Variants in FLII observed in about 807,000 individuals in gnomAD.
FLII encodes the protein protein flightless-1 homolog.
Under a neutral mutation model 156.2 loss-of-function variants are expected in FLII, and 101 were observed. The ratio of observed to expected loss-of-function variants is 0.65; its 90% CI spans 0.55 to 0.76. The LOEUF (loss-of-function observed/expected upper bound fraction) is 0.76, where lower values mean the gene tolerates loss of function less well. Ranked by LOEUF, FLII falls within the 30% of genes least tolerant of loss-of-function variation. The probability of loss-of-function intolerance (pLI) is 0.00; values close to 1 mark genes in which losing one functional copy is unlikely to be tolerated. For synonymous variants in FLII, 767 were observed against 685.8 expected, an observed-to-expected ratio of 1.12 and a Z score of -1.85; for missense variants, 1,675 against 1,682.8, an observed-to-expected ratio of 1.00 and a Z score of 0.08.
chr17:18,245,081 A>G lies in FLII; in HGVS notation c.*57T>C. 1.3e-6 allele frequency: 2 copies of G among 1,557,352 alleles called. No homozygotes were observed. Among genetic ancestry groups the G allele is most frequent in the Non-Finnish European group, 1.7e-6 (2 of 1,144,932 alleles). ...ACCTGAGTACATTCTTTGCTAGCAG[A>G]CAGTGGATGAGGCCCCTTCCTCTTC... On this transcript the variant is annotated 3_prime_UTR_variant, in exon 30 of 30. Coordinates refer to ENST00000327031, the MANE Select transcript of FLII (RefSeq NM_002018.4).
chr17:18,252,462 CATGCCTG>C lies in FLII; in HGVS notation c.1098+3_1098+9del. On this transcript the variant is annotated splice_donor_5th_base_variant and intron_variant, in intron 10 of 29. Coordinates refer to ENST00000327031, the MANE Select transcript of FLII (RefSeq NM_002018.4). ...CTCTCTTGAGCCCTCTCAAACCCAG[CATGCCTG>C]ACCTCGATCTCCGTCAGGAAATGGA... 6.2e-7 allele frequency: 1 copy of C among 1,612,624 alleles called. No homozygotes were observed. Among genetic ancestry groups the C allele is most frequent in the South Asian group, 1.1e-5 (1 of 91,062 alleles).
Position 18,245,281 on chromosome 17 carries a change from G to A in FLII, c.3676-9C>T. 1 of 1,612,472 alleles carries A rather than the reference G, an allele frequency of 6.2e-7. No individual in the cohort carries two copies. The highest frequency in any genetic ancestry group is 1.1e-5 in the South Asian group (1 of 91,048). On this transcript the variant is annotated splice_polypyrimidine_tract_variant and intron_variant, in intron 29 of 29. Transcript: ENST00000327031. ...ATGTGCTGGATATATACCTGGCAAG[G>A]GGACAGCGAGCCTTGGGTGATGACC... is the stretch of plus-strand genomic sequence containing the variant.
Position 18,247,344 on chromosome 17 carries a change from T to C in FLII, c.2501A>G (p.Lys834Arg), listed in dbSNP as rs150708367. The C allele has an allele frequency of 6.2e-7, 1 of 1,604,158 alleles. No homozygotes were observed. Among genetic ancestry groups the C allele is most frequent in the Non-Finnish European group, 8.5e-7 (1 of 1,176,166 alleles). Reference sequence around the variant, plus strand: ...CAACACATCGTCCCAATTCTTGAACTTGGCCTTGAACACCTGCCAGGGAGG... The same window carrying C: ...CAACACATCGTCCCAATTCTTGAACCTGGCCTTGAACACCTGCCAGGGAGG... Reference protein sequence around the residue: ...EGTEAQVFKAKFKNWDDVLTV... With the variant: ...EGTEAQVFKARFKNWDDVLTV... The change falls in exon 21 of 30, where the codon AAG becomes AGG. Residue 834 changes from lysine (K) to arginine (R), a missense_variant. Transcript: ENST00000327031.
rs1195590412 is a variant in FLII at position 18,244,832 on chromosome 17, C to CTGAT, written c.*302_*305dup. The stretch of plus-strand genomic sequence containing the variant: ...TAGCGCCATTTTAATATTAAAAATA[C>CTGAT]TGATTTTTAATATTGAAAATAAAAG... On this transcript the variant is annotated 3_prime_UTR_variant, in exon 30 of 30. Coordinates refer to ENST00000327031, the MANE Select transcript of FLII (RefSeq NM_002018.4). 1.4e-5 allele frequency: 5 copies of CTGAT among 363,582 alleles called. No homozygotes were observed. Among genetic ancestry groups the CTGAT allele is most frequent in the East Asian group, 3.9e-5 (1 of 25,688 alleles). 22.5% of individuals were successfully genotyped at this position (363,582 alleles called of 1,614,324 possible).
Position 18,246,593 on chromosome 17 carries a change from C to T in FLII, c.3051+1G>A. ...CGGGCTCGCGGGGCTGCCAGGCACACCTCCAGCTTCCCAGGGAAGAGGCTC... is the reference window on the plus strand; with the variant it reads ...CGGGCTCGCGGGGCTGCCAGGCACATCTCCAGCTTCCCAGGGAAGAGGCTC... On this transcript the variant is annotated splice_donor_variant, in intron 23 of 29. Coordinates refer to ENST00000327031, the MANE Select transcript of FLII (RefSeq NM_002018.4). LOFTEE classifies it high-confidence loss of function. The T allele has an allele frequency of 6.2e-7, 1 of 1,613,870 alleles. No homozygotes were observed. Among genetic ancestry groups the T allele is most frequent in the Non-Finnish European group, 8.5e-7 (1 of 1,179,880 alleles).
chr17:18,249,378 C>T lies in FLII; in HGVS notation c.1807G>A (p.Gly603Ser), dbSNP rs747829760. The change falls in exon 15 of 30, where the codon GGT (glycine) becomes AGT (serine). Residue 603 changes from glycine (G) to serine (S), a missense_variant. Gly to Ser is a moderately conservative substitution (Grantham distance 56). This residue lies in a region of FLII where 1,332 missense variants were observed against 1,269.3 expected (regional missense o/e 1.05). Coordinates refer to ENST00000327031, the MANE Select transcript of FLII (RefSeq NM_002018.4). ...VFDNDISYIE[G>S]GTASGFYTVE... ...GTGTAGAAGCCACTGGCTGTTCCAC[C>T]CTCAATGTAGGAGATGTCGTTGTCA... The T allele has an allele frequency of 1.2e-5, 19 of 1,614,046 alleles. No homozygotes were observed. The highest frequency in any genetic ancestry group is 1.5e-5 in the Non-Finnish European group (18 of 1,180,026).
At chr17:18,245,907 T>C (rs968405712) in intron 26 of FLII, 27 bp downstream of exon 26, 2 of 1,611,710 alleles carry the variant, frequency 1.2e-6, no homozygotes, top group Non-Finnish European at 1.7e-6. Flanking sequence ...CCTCTGTGTG[T>C]GCCCGCCTGC....
chr17:18,245,077 G>GCAGA lies in FLII; in HGVS notation c.*57_*60dup, dbSNP rs529765136. ...TGTCACCTGAGTACATTCTTTGCTA[G>GCAGA]CAGACAGTGGATGAGGCCCCTTCCT... On this transcript the variant is annotated 3_prime_UTR_variant, in exon 30 of 30. Transcript: ENST00000327031. The GCAGA allele has an allele frequency of 2.7e-4, 420 of 1,551,036 alleles. No individual in the cohort carries two copies. The highest frequency in any genetic ancestry group is 3.2e-4 in the South Asian group (27 of 84,652).
rs1312570559 is a variant in FLII, at chr17:18,258,205, G to C, written c.63+423C>G. Among the ~76,000 whole-genome samples, 1 of 152,206 alleles carries C rather than the reference G, an allele frequency of 6.6e-6. No individual in the cohort carries two copies. The highest frequency in any genetic ancestry group is 1.5e-5 in the Non-Finnish European group (1 of 68,016). ...ACAGTATGGCGGGTGGCGGTGGCGG[G>C]GAGAGGGCAGTGATGAGTCGGCTCC... On this transcript the variant is annotated intron_variant, in intron 1 of 29. Coordinates refer to ENST00000327031, the MANE Select transcript of FLII (RefSeq NM_002018.4). The surrounding 1 kb of genome is among the most constrained non-coding windows in gnomAD (Gnocchi z 4.2).
chr17:18,245,211 C>G lies in FLII; in HGVS notation c.3737G>C (p.Arg1246Pro), dbSNP rs763548959. 6.2e-7 allele frequency: 1 copy of G among 1,613,940 alleles called. No individual in the cohort carries two copies. The highest frequency in any genetic ancestry group is 8.5e-7 in the Non-Finnish European group (1 of 1,179,958). Residue 1246 changes from arginine (R) to proline (P), a missense_variant, in exon 30 of 30, where the codon CGC (arginine) becomes CCC (proline). Arg to Pro is a moderately radical substitution (Grantham distance 103). This residue lies in a region of FLII where 1,332 missense variants were observed against 1,269.3 expected (regional missense o/e 1.05). Transcript: ENST00000327031. ...AAAGGCGTGCTGCTCATTGCCCTTG[C>G]GGACCAGGCGCAGCCGGCGCGGCCG... is the stretch of plus-strand genomic sequence containing the variant. ...HERPRRLRLV[R>P]KGNEQHAFTR...
At position 18,245,920 on chromosome 17, in the gene FLII, G is replaced by C; in HGVS notation, c.3396+14C>G. On this transcript the variant is annotated intron_variant, in intron 26 of 29. Coordinates refer to ENST00000327031, the MANE Select transcript of FLII (RefSeq NM_002018.4). ...CTCCTCTGTGTGTGCCCGCCTGCCC[G>C]CCCGCCTCCTGACCTGCTTGCTGTA... 6.2e-7 allele frequency: 1 copy of C among 1,613,676 alleles called. No individual in the cohort carries two copies. Among genetic ancestry groups the C allele is most frequent in the Non-Finnish European group, 8.5e-7 (1 of 1,179,742 alleles).
chr17:18,247,133 C>CG (rs1172814706), intron 21 of FLII, 36 bp downstream of exon 21: 13 of 703,290 alleles, frequency 1.8e-5, no homozygotes, highest in Non-Finnish European at 2.7e-5. Flanking sequence ...GCCCCCCACC[C>CG]CCCCCCCCGC....
At position 18,245,239 on chromosome 17, in the gene FLII, CAT is replaced by C. The variant is rs1567701779; in HGVS notation, c.3707_3708del (p.His1236ArgfsTer14). The stretch of plus-strand genomic sequence containing the variant: ...ACCAGGCGCAGCCGGCGCGGCCGCT[CAT>C]GTTCCTTGGACCGCATGTGCTGGAT... Reference protein sequence around the residue: ...VYIQHMRSKEHERPRRLRLVR... With the variant: ...VYIQHMRSKEXERPRRLRLVR... On this transcript the variant is annotated frameshift_variant, in exon 30 of 30. Transcript: ENST00000327031. LOFTEE classifies it high-confidence loss of function. 6.2e-7 allele frequency: 1 copy of C among 1,613,766 alleles called. No homozygotes were observed. Among genetic ancestry groups the C allele is most frequent in the South Asian group, 1.1e-5 (1 of 91,072 alleles).
In FLII at chr17:18,247,639, C is replaced by T. The variant is rs1449721211; in HGVS notation, c.2487+18G>A. 4.5e-6 allele frequency: 7 copies of T among 1,560,050 alleles called. No homozygotes were observed. The highest frequency in any genetic ancestry group is 6.0e-6 in the Non-Finnish European group (7 of 1,160,216). Reference sequence around the variant, plus strand: ...TGCGAAGGATCCTGGGGAGGGGCCTCCGAAGCTGCAAGCGCACCTGCGCCT... The same window carrying T: ...TGCGAAGGATCCTGGGGAGGGGCCTTCGAAGCTGCAAGCGCACCTGCGCCT... On this transcript the variant is annotated intron_variant, in intron 20 of 29. Coordinates refer to ENST00000327031, the MANE Select transcript of FLII (RefSeq NM_002018.4).
chr17:18,247,800 A>C lies in FLII; in HGVS notation c.2344T>G (p.Ser782Ala). 3.1e-6 allele frequency: 5 copies of C among 1,612,758 alleles called. No homozygotes were observed. Among genetic ancestry groups the C allele is most frequent in the Non-Finnish European group, 3.4e-6 (4 of 1,180,006 alleles). ...CGGCCGAGCCAGATGAACACGTCGG[A>C]CCAACAGTCCAGAATGTACACGCAG... ...TRCVYILDCW[S>A]DVFIWLGRKS... Residue 782 changes from serine to alanine, a missense_variant, in exon 20 of 30, where the codon TCC becomes GCC. Transcript: ENST00000327031.
intron 14 of FLII, 113 bp from the exon 15 acceptor site, chr17:18,249,521 C>A: frequency 1.3e-6 from 1 of 762,726 alleles, no homozygotes. Context: ...TGCTACAAAT[C>A]TATGATGCCT....
At position 18,253,424 on chromosome 17, in the gene FLII, A is replaced by G. The variant is rs1364194632; in HGVS notation, c.890T>C (p.Leu297Pro). The G allele has an allele frequency of 1.2e-6, 2 of 1,613,918 alleles. No individual in the cohort carries two copies. Among genetic ancestry groups the G allele is most frequent in the Non-Finnish European group, 1.7e-6 (2 of 1,180,030 alleles). ...AICKLSKLKKLYLNSNKLDFD... is the reference protein window; with the variant it reads ...AICKLSKLKKPYLNSNKLDFD... ...GTCCAGCTTGTTGGAATTCAGGTAC[A>G]GCTTCTTCAGCTTGCTCAGCTTGCA... The change falls in exon 9 of 30, where the codon CTG (leucine) becomes CCG (proline). Residue 297 changes from leucine (L) to proline (P), a missense_variant. Leu to Pro is a moderately conservative substitution (Grantham distance 98, BLOSUM62 -3). Transcript: ENST00000327031.
Position 18,245,819 on chromosome 17 carries a change from A to G in FLII, c.3428T>C (p.Phe1143Ser). Reference protein sequence around the residue: ...VINEGEEPENFFWVGIGAQKP... With the variant: ...VINEGEEPENSFWVGIGAQKP... ...CTGTGCCCCAATGCCCACCCAGAAGAAGTTCTCAGGCTCCTCACCTTCGTT... is the reference window on the plus strand; with the variant it reads ...CTGTGCCCCAATGCCCACCCAGAAGGAGTTCTCAGGCTCCTCACCTTCGTT... The change falls in exon 27 of 30, where the codon TTC becomes TCC. Residue 1143 changes from phenylalanine (F) to serine (S), a missense_variant. Transcript: ENST00000327031. The G allele has an allele frequency of 6.2e-7, 1 of 1,613,722 alleles. No individual in the cohort carries two copies. Among genetic ancestry groups the G allele is most frequent in the Admixed American group, 1.7e-5 (1 of 59,984 alleles).
At position 18,253,196 on chromosome 17, in the gene FLII, T is replaced by A. The variant is rs1230073998; in HGVS notation, c.1013+105A>T. 4 of 1,135,572 alleles carry A rather than the reference T, an allele frequency of 3.5e-6. No individual in the cohort carries two copies. In the East Asian group the frequency reaches 1.0e-4, roughly 28 times the overall value. The allele number at this position is 1,135,572 out of a possible 1,614,324, so 70.3% of individuals were successfully genotyped here. ...AGAAAAGAAAAGGTGAATTAACCCATCTTCATTTTGTCTGACTTGCACAGA... is the reference window on the plus strand; with the variant it reads ...AGAAAAGAAAAGGTGAATTAACCCAACTTCATTTTGTCTGACTTGCACAGA... On this transcript the variant is annotated intron_variant, in intron 9 of 29. Transcript: ENST00000327031.
Sources: allele counts gnomAD v4.1 joint callset (sites outside exome capture counted in the v4.1 genomes callset), GRCh38; gene constraint gnomAD v4.1.1; regional missense constraint gnomAD v4.1.1; non-coding constraint Gnocchi (gnomAD v3.1); transcripts MANE v1.5; gene names NCBI Gene and HGNC (gene_info 2026-07-23, HGNC 2026-07-21).